CNTN5: variants seen among roughly 807,000 people sequenced by gnomAD.
CNTN5 encodes contactin-5.
CNTN5 carries 77 observed loss-of-function variants against 129.1 expected under a neutral mutation model. The ratio of observed to expected loss-of-function variants is 0.60; its 90% CI spans 0.50 to 0.72. The LOEUF is 0.72. CNTN5 is among the 30% of genes least tolerant of loss of function. The pLI, the probability that CNTN5 is intolerant of heterozygous loss-of-function variation, is 0.00. For synonymous variants in CNTN5, 509 were observed against 465.6 expected, an observed-to-expected ratio of 1.09 and a Z score of -1.20; for missense variants, 1,478 against 1,328.8, an observed-to-expected ratio of 1.11 and a Z score of -1.75.
At chr11:99,033,198 G>C (rs1353467286) in intron 1 of CNTN5, among the ~76,000 whole-genome samples, 1 of 151,374 alleles carries the variant, frequency 6.6e-6, no homozygotes, top group African/African-American at 2.4e-5. Context: ...AAGTCAGGTA[G>C]TGTGATGCCT....
At chr11:100,176,225 G>A (rs1415446684) in intron 13 of CNTN5, among the ~76,000 whole-genome samples, 1 of 149,892 alleles carries the variant, frequency 6.7e-6, no homozygotes, top group Non-Finnish European at 1.5e-5. Flanking sequence ...TTACCATGTT[G>A]GCTAGGCTGG....
chr11:99,407,111 C>T (rs1303198462), intron 2 of CNTN5, among the ~76,000 whole-genome samples: 2 of 152,102 alleles, frequency 1.3e-5, no homozygotes, highest in East Asian at 3.9e-4. Context: ...CTGATTTTCT[C>T]GAGCAATAGT....
intron 13 of CNTN5, among the ~76,000 whole-genome samples, chr11:100,076,238 T>C (rs1208060845): frequency 1.4e-4 from 21 of 152,182 alleles, no homozygotes; most frequent in Admixed American, 1.4e-3. Flanking sequence ...TTAAAATATA[T>C]ATGCCTTATC....
intron 7 of CNTN5, among the ~76,000 whole-genome samples, chr11:99,924,137 T>G (rs1435387751): frequency 1.3e-5 from 2 of 152,220 alleles, no homozygotes; most frequent in Non-Finnish European, 2.9e-5. Flanking sequence ...CTGGCTGGTA[T>G]AAGATGGTAT....
At chr11:99,787,244 T>C (rs1433304284) in intron 3 of CNTN5, among the ~76,000 whole-genome samples, 1 of 151,566 alleles carries the variant, frequency 6.6e-6, no homozygotes, top group Non-Finnish European at 1.5e-5. Context: ...AGAATGTATG[T>C]AAATGCACTT....
intron 3 of CNTN5, among the ~76,000 whole-genome samples, chr11:99,787,395 T>A (rs1046849109): frequency 6.6e-6 from 1 of 151,682 alleles, no homozygotes; most frequent in Admixed American, 6.6e-5. Flanking sequence ...AATCTTTATT[T>A]AAAATATTTT....
chr11:100,287,534 A>G (rs1211948351), intron 18 of CNTN5, among the ~76,000 whole-genome samples: 2 of 150,808 alleles, frequency 1.3e-5, no homozygotes, highest in Non-Finnish European at 3.0e-5. Context: ...GAGAAATAAA[A>G]TACTTTACAG....
intron 1 of CNTN5, among the ~76,000 whole-genome samples, chr11:99,306,887 T>A (rs1416126995): frequency 3.3e-5 from 5 of 152,058 alleles, no homozygotes; most frequent in Non-Finnish European, 5.9e-5. Flanking sequence ...TCTAAAAGTA[T>A]TAAGAAGTCA....
At chr11:99,885,536 A>G (rs928446021) in intron 6 of CNTN5, among the ~76,000 whole-genome samples, 1 of 152,198 alleles carries the variant, frequency 6.6e-6, no homozygotes, top group African/African-American at 2.4e-5. Flanking sequence ...TTTACAACCA[A>G]TAATTATACC....
intron 2 of CNTN5, among the ~76,000 whole-genome samples, chr11:99,527,379 A>T (rs1358397270): frequency 6.6e-6 from 1 of 152,194 alleles, no homozygotes; most frequent in African/African-American, 2.4e-5. Context: ...ATATTATTTC[A>T]TTCCTTTTAT....
intron 2 of CNTN5, among the ~76,000 whole-genome samples, chr11:99,449,835 T>C (rs1049985059): frequency 6.3e-4 from 96 of 152,318 alleles, no homozygotes; most frequent in African/African-American, 2.3e-3. Flanking sequence ...CTTAGGTGGA[T>C]GTCCATTTGA....
intron 2 of CNTN5, among the ~76,000 whole-genome samples, chr11:99,462,157 C>T (rs189773290): frequency 6.6e-6 from 1 of 152,194 alleles, no homozygotes; most frequent in East Asian, 1.9e-4. Flanking sequence ...TTGAGATTTA[C>T]ATGATCACTC....
At chr11:99,625,006 AC>A (rs1480413355) in intron 3 of CNTN5, among the ~76,000 whole-genome samples, 1 of 152,200 alleles carries the variant, frequency 6.6e-6, no homozygotes, top group African/African-American at 2.4e-5. Flanking sequence ...TGTTTTGTTT[AC>A]CATGTGGTGA....
intron 4 of CNTN5, among the ~76,000 whole-genome samples, chr11:99,827,438 G>A (rs189875827): frequency 6.6e-6 from 1 of 152,126 alleles, no homozygotes; most frequent in Admixed American, 6.6e-5. Flanking sequence ...TCTTCTGTGT[G>A]TCCTGAAATG....
intron 1 of CNTN5, among the ~76,000 whole-genome samples, chr11:99,302,627 G>A (rs1041286395): frequency 3.3e-5 from 5 of 151,546 alleles, no homozygotes; most frequent in Non-Finnish European, 7.4e-5. Context: ...TTAAATAATT[G>A]TCTTTTCTGT....
At chr11:99,231,490 G>A (rs531664099) in intron 1 of CNTN5, among the ~76,000 whole-genome samples, 47 of 152,078 alleles carry the variant, frequency 3.1e-4, no homozygotes, top group African/African-American at 9.9e-4. Context: ...ACTTTTTAAC[G>A]GGGTTATTTG....
At chr11:100,258,970 T>C (rs1301365478) in intron 17 of CNTN5, among the ~76,000 whole-genome samples, 6 of 152,174 alleles carry the variant, frequency 3.9e-5, no homozygotes, top group Non-Finnish European at 1.5e-5. Context: ...ATAAATGGGC[T>C]AAATGCCCCA....
At chr11:100,344,568 G>T (rs1404054656) in intron 23 of CNTN5, among the ~76,000 whole-genome samples, 1 of 152,038 alleles carries the variant, frequency 6.6e-6, no homozygotes, top group African/African-American at 2.4e-5. Flanking sequence ...ATAAGATCTG[G>T]TGTTTGATAG....
intron 8 of CNTN5, among the ~76,000 whole-genome samples, chr11:99,995,687 C>T (rs1591541311): frequency 6.6e-6 from 1 of 152,300 alleles, no homozygotes; most frequent in South Asian, 2.1e-4. Context: ...TAGACACCCC[C>T]AAACACATGC....
Sources: gnomAD v4.1 joint callset for allele counts (sites outside exome capture counted in the v4.1 genomes callset) on GRCh38, gnomAD v4.1.1 for gene constraint, MANE v1.5 for transcripts, NCBI Gene and HGNC (gene_info 2026-07-23, HGNC 2026-07-21) for gene names.